Variants in TEX264 observed in about 807,000 individuals in gnomAD.
TEX264 encodes the protein testis-expressed protein 264.
Under a neutral mutation model 23.4 loss-of-function variants are expected in TEX264, and 13 were observed. The ratio of observed to expected loss-of-function variants is 0.56; its 90% CI spans 0.36 to 0.88. The LOEUF (loss-of-function observed/expected upper bound fraction) is 0.88, where lower values mean the gene tolerates loss of function less well. Ranked by LOEUF, TEX264 falls within the 40% of genes least tolerant of loss-of-function variation. The pLI is 0.01. For missense variants in TEX264, 340 were observed against 406.8 expected (o/e 0.84, Z 1.41); for synonymous variants, 159 against 170.0 (o/e 0.94, Z 0.50).
Position 51,703,093 on chromosome 3 carries a change from A to T in TEX264, c.650-631A>T. The stretch of plus-strand genomic sequence containing the variant: ...GCACCCTCCTCCTTGCAGCTGGTTG[A>T]GTATTTCTCAGGCCTTCTCCATCCT... On this transcript the variant is annotated intron_variant, in intron 4 of 4. Coordinates refer to ENST00000341333, the MANE Select transcript of TEX264 (RefSeq NM_015926.6). This position sits in a 1 kb window ranked among gnomAD's most constrained non-coding sequence, Gnocchi z 4.8. Among the ~76,000 whole-genome samples, 1 of 152,148 alleles carries T rather than the reference A, an allele frequency of 6.6e-6. No individual in the cohort carries two copies. Among genetic ancestry groups the T allele is most frequent in the Non-Finnish European group, 1.5e-5 (1 of 68,018 alleles).
At chr3:51,688,972 A>G (rs2106964096) in intron 3 of TEX264, among the ~76,000 whole-genome samples, 1 of 152,138 alleles carries the variant, frequency 6.6e-6, no homozygotes, top group South Asian at 2.1e-4. Flanking sequence ...TAAAAAAAAC[A>G]GAAAAAAAAT....
In TEX264 at chr3:51,699,456, G is replaced by A; in HGVS notation, c.531G>A (p.Gln177=). Reference sequence around the variant, plus strand: ...GGCTGGAGATCTACCAGGAAGACCAGATCCATTTCATGTGCCCACTGGCAC... The same window carrying A: ...GGCTGGAGATCTACCAGGAAGACCAAATCCATTTCATGTGCCCACTGGCAC... ...YPRLEIYQED[Q]IHFMCPLARQ... The change falls in exon 4 of 5, where the codon CAG becomes CAA. Residue 177 remains glutamine (Q), a synonymous_variant. Coordinates refer to ENST00000341333, the MANE Select transcript of TEX264 (RefSeq NM_015926.6). 6 of 1,614,142 alleles carry A rather than the reference G, an allele frequency of 3.7e-6. No homozygotes were observed. Among genetic ancestry groups the A allele is most frequent in the Admixed American group, 1.7e-5 (1 of 60,028 alleles).
chr3:51,698,816 A>G (rs1703168085), intron 3 of TEX264, among the ~76,000 whole-genome samples: 1 of 152,178 alleles, frequency 6.6e-6, no homozygotes, highest in Non-Finnish European at 1.5e-5. Context: ...TAGCAGGGGA[A>G]TGAATGGGAG....
At position 51,703,641 on chromosome 3, in the gene TEX264, T is replaced by C; in HGVS notation, c.650-83T>C. On this transcript the variant is annotated intron_variant, in intron 4 of 4. Transcript: ENST00000341333. This position sits in a 1 kb window ranked among gnomAD's most constrained non-coding sequence, Gnocchi z 4.8. Reference sequence around the variant, plus strand: ...CCCGGGAGGCTGCATTATTCATGAGTGCACTGCGTGCTGAGTTGCCTCTCC... The same window carrying C: ...CCCGGGAGGCTGCATTATTCATGAGCGCACTGCGTGCTGAGTTGCCTCTCC... The C allele has an allele frequency of 4.2e-6, 6 of 1,416,876 alleles. No individual in the cohort carries two copies. The highest frequency in any genetic ancestry group is 5.8e-6 in the Non-Finnish European group (6 of 1,040,914). 87.8% of individuals were successfully genotyped at this position (1,416,876 alleles called of 1,614,324 possible).
chr3:51,684,387 C>G, intron 2 of TEX264, 26 bp from the exon 3 acceptor site: 1 of 1,610,806 alleles, frequency 6.2e-7, no homozygotes. Flanking sequence ...TTGGCCAACT[C>G]TCACACCCAT....
In TEX264 at chr3:51,703,908, G is replaced by A; in HGVS notation, c.834G>A (p.Leu278=). Residue 278 remains leucine, a synonymous_variant, in exon 5 of 5, where the codon TTG becomes TTA. Transcript: ENST00000341333. The surrounding 1 kb of genome is among the most constrained non-coding windows in gnomAD (Gnocchi z 4.8). The part of the protein sequence containing the change: ...ASGSSFEELD[L]EGEGPLGESR... ...GCTCCTCTTTTGAGGAGCTGGACTT[G>A]GAGGGCGAGGGGCCCTTAGGGGAGT... is the stretch of plus-strand genomic sequence containing the variant. 6.2e-7 allele frequency: 1 copy of A among 1,610,548 alleles called. No homozygotes were observed. Among genetic ancestry groups the A allele is most frequent in the Admixed American group, 1.7e-5 (1 of 59,932 alleles).
chr3:51,671,502 C>A (rs557592571), intron 1 of TEX264: 1 of 154,840 alleles, frequency 6.5e-6, no homozygotes, highest in African/African-American at 2.4e-5. Context: ...TCCGGGCAGC[C>A]CACTTCCGCG....
intron 3 of TEX264, among the ~76,000 whole-genome samples, chr3:51,689,262 G>GA (rs1338283354): frequency 2.0e-5 from 3 of 151,338 alleles, no homozygotes; most frequent in Non-Finnish European, 4.4e-5. Context: ...CGTCTCTACA[G>GA]AAAAAAAATA....
At chr3:51,697,324 T>C (rs1703101131) in intron 3 of TEX264, among the ~76,000 whole-genome samples, 1 of 152,190 alleles carries the variant, frequency 6.6e-6, no homozygotes, top group Non-Finnish European at 1.5e-5. Context: ...ATTATCTTGT[T>C]ATGGCCAAGT....
chr3:51,675,869 A>G (rs1702209734), intron 2 of TEX264, among the ~76,000 whole-genome samples: 1 of 152,200 alleles, frequency 6.6e-6, no homozygotes, highest in Non-Finnish European at 1.5e-5. Context: ...TTGCCCAGCC[A>G]GGTGGTGGGG....
At chr3:51,678,399 AC>A (rs1482809920) in intron 2 of TEX264, among the ~76,000 whole-genome samples, 1 of 152,010 alleles carries the variant, frequency 6.6e-6, no homozygotes, top group Non-Finnish European at 1.5e-5. Context: ...CTCCTGCCCC[AC>A]CCTGTGCCAC....
intron 2 of TEX264, among the ~76,000 whole-genome samples, chr3:51,678,544 C>T (rs1382263832): frequency 6.6e-6 from 1 of 152,216 alleles, no homozygotes; most frequent in Non-Finnish European, 1.5e-5. Flanking sequence ...TTGCTGCTTA[C>T]ATCTACTACC....
At chr3:51,672,361 C>T (rs917110550) in intron 1 of TEX264, 1 of 152,266 alleles carries the variant, frequency 6.6e-6, no homozygotes, top group African/African-American at 2.4e-5. Flanking sequence ...CGTTACCTCT[C>T]CACGTGCCGA....
intron 3 of TEX264, among the ~76,000 whole-genome samples, chr3:51,694,023 CT>C (rs1370870655): frequency 8.0e-4 from 112 of 140,008 alleles, no homozygotes; most frequent in African/African-American, 2.9e-3. Context: ...TCCTTCCTTC[CT>C]TCCTTCCTTC....
At chr3:51,698,802 A>G (rs1005194136) in intron 3 of TEX264, among the ~76,000 whole-genome samples, 4 of 152,226 alleles carry the variant, frequency 2.6e-5, no homozygotes, top group Admixed American at 1.3e-4. Flanking sequence ...ACATAGCTCT[A>G]AACTAGCAGG....
chr3:51,681,357 T>C (rs962974947), intron 2 of TEX264: 3 of 152,414 alleles, frequency 2.0e-5, no homozygotes, highest in African/African-American at 7.2e-5. Flanking sequence ...TGGACCTTTT[T>C]GCCTAGAGGC....
Position 51,704,045 on chromosome 3 carries a change from G to A in TEX264, c.*29G>A. On this transcript the variant is annotated 3_prime_UTR_variant, in exon 5 of 5. Coordinates refer to ENST00000341333, the MANE Select transcript of TEX264 (RefSeq NM_015926.6). The stretch of plus-strand genomic sequence containing the variant: ...ATGGCCTGCACCCTCCTGCAGTGCA[G>A]TTGCTGAGGAACTGAGCAGACTCTC... 2.1e-6 allele frequency: 3 copies of A among 1,445,502 alleles called. No individual in the cohort carries two copies. The highest frequency in any genetic ancestry group is 2.7e-6 in the Non-Finnish European group (3 of 1,099,310). The allele number at this position is 1,445,502 out of a possible 1,614,324, so 89.5% of individuals were successfully genotyped here.
rs76682441 is a variant in TEX264, at chr3:51,704,139, C to G, written c.*123C>G. On this transcript the variant is annotated 3_prime_UTR_variant, in exon 5 of 5. Transcript: ENST00000341333. ...GGGGTTCCTGAGGGACCTGACTTCC[C>G]CTGCTCCAGGCCTCTTGCTAAGCCT... The G allele has an allele frequency of 1.9e-3, 1,775 of 941,014 alleles. 27 individuals carry two copies. In the African/African-American group the frequency reaches 0.027, roughly 14 times the overall value. The allele number at this position is 941,014 out of a possible 1,614,324, so 58.3% of individuals were successfully genotyped here.
chr3:51,675,026 G>A (rs1230501895), intron 2 of TEX264, among the ~76,000 whole-genome samples: 2 of 152,236 alleles, frequency 1.3e-5, no homozygotes, highest in Non-Finnish European at 2.9e-5. Flanking sequence ...TGAGGGCTGA[G>A]AGGGCAGTCC....
Sources: gnomAD v4.1 joint callset for allele counts (sites outside exome capture counted in the v4.1 genomes callset) on GRCh38, gnomAD v4.1.1 for gene constraint, Gnocchi (gnomAD v3.1) non-coding constraint, MANE v1.5 for transcripts, NCBI Gene and HGNC (gene_info 2026-07-23, HGNC 2026-07-21) for gene names.